Variants in SUPT6H observed in about 807,000 individuals in gnomAD.
SUPT6H encodes the protein SPT6 homolog, histone chaperone and transcription elongation factor.
A neutral mutation model predicts 222.3 loss-of-function variants in SUPT6H; 11 were observed. The ratio of observed to expected loss-of-function variants is 0.05; its 90% CI spans 0.03 to 0.08. The LOEUF is 0.08. Among genes scored for constraint, SUPT6H ranks in the 10% least tolerant of loss-of-function variants. The pLI, the probability that SUPT6H is intolerant of heterozygous loss-of-function variation, is 1.00. For synonymous variants in SUPT6H, 762 were observed against 801.2 expected (o/e 0.95, Z 0.83); for missense variants, 1,422 against 2,216.0 (o/e 0.64, Z 7.19).
At chr17:28,668,050 G>A (rs1379733379) in intron 1 of SUPT6H, among the ~76,000 whole-genome samples, 1 of 152,124 alleles carries the variant, frequency 6.6e-6, no homozygotes, top group Non-Finnish European at 1.5e-5. Context: ...GGCCTCCCTT[G>A]TGGCAATCTG....
Position 28,681,363 on chromosome 17 carries a change from G to T in SUPT6H, c.1457G>T (p.Arg486Leu), listed in dbSNP as rs771746099. 3 of 1,611,792 alleles carry T rather than the reference G, an allele frequency of 1.9e-6. No individual in the cohort carries two copies. The highest frequency in any genetic ancestry group is 4.5e-5 in the East Asian group (2 of 44,866). Residue 486 changes from arginine to leucine, a missense_variant, in exon 12 of 37, where the codon CGC becomes CTC. Coordinates refer to ENST00000314616, the MANE Select transcript of SUPT6H (RefSeq NM_003170.5). ...ATGCAGAACGCCGCCAAAGCTAGCC[G>T]CAAGAAGCTGAAGCGTGTCAGGGAA... ...PKMQNAAKAS[R>L]KKLKRVREEG...
At chr17:28,682,610 G>T in intron 13 of SUPT6H, 117 bp from the exon 14 acceptor site, 1 of 1,429,712 alleles carries the variant, frequency 7.0e-7, no homozygotes, top group South Asian at 1.3e-5. Flanking sequence ...AACAGAGCGA[G>T]ACCGTCTCAG....
chr17:28,687,278 T>C (rs1567698323), intron 22 of SUPT6H, 26 bp from the exon 23 acceptor site: 1 of 1,614,162 alleles, frequency 6.2e-7, no homozygotes, highest in Non-Finnish European at 8.5e-7. Context: ...AGAGTAACCT[T>C]ACTCCTGCCT....
intron 26 of SUPT6H, among the ~76,000 whole-genome samples, chr17:28,690,600 C>G (rs1426212458): frequency 6.6e-6 from 1 of 152,100 alleles, no homozygotes; most frequent in Non-Finnish European, 1.5e-5. Context: ...CATGGTGAAA[C>G]CCCATCTCCA....
intron 1 of SUPT6H, among the ~76,000 whole-genome samples, chr17:28,663,214 G>A (rs7226202): frequency 0.021 from 3,271 of 152,256 alleles, 107 homozygotes; most frequent in African/African-American, 0.074. Context: ...CTGTTTATCT[G>A]GAAGTTACCA....
At chr17:28,701,346 T>C in intron 36 of SUPT6H, 93 bp from the exon 37 acceptor site, 1 of 1,499,970 alleles carries the variant, frequency 6.7e-7, no homozygotes, top group Non-Finnish European at 9.0e-7. Context: ...CTGCTGCCCA[T>C]AGGTATGAGG....
At chr17:28,695,647 G>A in intron 29 of SUPT6H, 100 bp downstream of exon 29, 1 of 1,358,508 alleles carries the variant, frequency 7.4e-7, no homozygotes, top group Non-Finnish European at 1.0e-6. Context: ...TCTCCCAGTG[G>A]AAGTGGGGAC....
At chr17:28,696,577 G>T (rs980873854) in intron 29 of SUPT6H, among the ~76,000 whole-genome samples, 2 of 133,104 alleles carry the variant, frequency 1.5e-5, no homozygotes, top group African/African-American at 5.8e-5. Flanking sequence ...GACAAAATGA[G>T]ACTGTCTCAA....
intron 1 of SUPT6H, among the ~76,000 whole-genome samples, chr17:28,666,500 CT>C (rs1414043022): frequency 1.3e-5 from 2 of 151,306 alleles, no homozygotes; most frequent in Non-Finnish European, 2.9e-5. Flanking sequence ...TTGTACTCTT[CT>C]TTAGCCCTTA....
chr17:28,670,613 C>T (rs898769450), intron 1 of SUPT6H, among the ~76,000 whole-genome samples: 7 of 152,120 alleles, frequency 4.6e-5, no homozygotes, highest in African/African-American at 7.2e-5. Context: ...CGGCCAGGCG[C>T]GGTGGCTCAC....
Position 28,697,966 on chromosome 17 carries a change from A to G in SUPT6H, c.4384A>G (p.Ile1462Val). 6.2e-7 allele frequency: 1 copy of G among 1,613,956 alleles called. No individual in the cohort carries two copies. Among genetic ancestry groups the G allele is most frequent in the Non-Finnish European group, 8.5e-7 (1 of 1,180,028 alleles). The change falls in exon 32 of 37, where the codon ATC (isoleucine) becomes GTC (valine). Residue 1462 changes from isoleucine to valine, a missense_variant. Around this residue, in one of 13 missense-constraint regions of SUPT6H, gnomAD observed 395 missense variants for 580.6 expected, o/e 0.68. Coordinates refer to ENST00000314616, the MANE Select transcript of SUPT6H (RefSeq NM_003170.5). ...KEKPTFIPYFICACKELPGKF... is the reference protein window; with the variant it reads ...KEKPTFIPYFVCACKELPGKF... ...GAAGCCCACCTTCATCCCTTATTTC[A>G]TCTGTGCCTGCAAGGAACTGCCCGG...
chr17:28,676,565 G>A, intron 7 of SUPT6H, 135 bp downstream of exon 7: 1 of 1,356,992 alleles, frequency 7.4e-7, no homozygotes, highest in Non-Finnish European at 9.9e-7. Context: ...GGGAAATCCA[G>A]CTCTTAGAGA....
intron 34 of SUPT6H, 48 bp downstream of exon 34, chr17:28,700,298 G>A (rs778020554): frequency 1.9e-6 from 3 of 1,614,208 alleles, no homozygotes; most frequent in Non-Finnish European, 2.5e-6. Context: ...TGGAGCTAAA[G>A]GGACTTTCAC....
intron 11 of SUPT6H, among the ~76,000 whole-genome samples, chr17:28,679,983 T>C (rs930472501): frequency 9.0e-5 from 8 of 89,336 alleles, no homozygotes; most frequent in Admixed American, 3.0e-4. Flanking sequence ...AGAGCTAGAC[T>C]CCATCTCAAA....
At chr17:28,663,828 A>ATTTTTTTTTTTTTTTTTTTTCTTTTTT (rs71135839) in intron 1 of SUPT6H, among the ~76,000 whole-genome samples, 1 of 38,374 alleles carries the variant, frequency 2.6e-5, no homozygotes, top group African/African-American at 9.6e-5. Flanking sequence ...TGCCCACTCC[A>ATTTTTTTTTTTTTTTTTTTTCTTTTTT]TTTTTTTTTT....
At chr17:28,699,748 G>A in intron 32 of SUPT6H, 33 bp from the exon 33 acceptor site, 1 of 1,594,446 alleles carries the variant, frequency 6.3e-7, no homozygotes, top group Non-Finnish European at 8.6e-7. Flanking sequence ...GTCCCAAGTG[G>A]TTTCTGATGC....
At chr17:28,685,061 CTGAT>C (rs2031314362) in intron 19 of SUPT6H, 100 bp downstream of exon 19, 1 of 1,107,718 alleles carries the variant, frequency 9.0e-7, no homozygotes, top group Non-Finnish European at 1.3e-6. Context: ...CTATGCAAGA[CTGAT>C]TGTGTCTGAT....
intron 28 of SUPT6H, among the ~76,000 whole-genome samples, chr17:28,694,638 A>G (rs546507317): frequency 6.6e-6 from 1 of 152,282 alleles, no homozygotes; most frequent in South Asian, 2.1e-4. Context: ...TTTTGCCACT[A>G]CTTAGACAGA....
Position 28,700,430 on chromosome 17 carries a change from A to G in SUPT6H, c.4724A>G (p.Gln1575Arg), listed in dbSNP as rs763245352. 1.2e-6 allele frequency: 2 copies of G among 1,614,134 alleles called. No homozygotes were observed. The highest frequency in any genetic ancestry group is 1.7e-6 in the Non-Finnish European group (2 of 1,180,048). Residue 1575 changes from glutamine (Q) to arginine (R), a missense_variant, in exon 35 of 37, where the codon CAG becomes CGG. Physicochemically the swap from Gln to Arg is conservative, Grantham distance 43. This residue lies in a region of SUPT6H where 395 missense variants were observed against 580.6 expected (regional missense o/e 0.68). Coordinates refer to ENST00000314616, the MANE Select transcript of SUPT6H (RefSeq NM_003170.5). ...SAIAAVTGQG[Q>R]NPNATPAQWA... ...ATTGCTGCGGTGACAGGCCAAGGACAGAACCCTAATGCCACCCCAGCCCAG... is the reference window on the plus strand; with the variant it reads ...ATTGCTGCGGTGACAGGCCAAGGACGGAACCCTAATGCCACCCCAGCCCAG...
Sources: gnomAD v4.1 joint callset for allele counts (sites outside exome capture counted in the v4.1 genomes callset) on GRCh38, gnomAD v4.1.1 for gene constraint, gnomAD v4.1.1 regional missense constraint, MANE v1.5 for transcripts, NCBI Gene and HGNC (gene_info 2026-07-23, HGNC 2026-07-21) for gene names.